Variants in KRI1 observed in about 807,000 individuals in gnomAD.
KRI1 encodes the protein KRI1 homolog.
Under a neutral mutation model 97.0 loss-of-function variants are expected in KRI1, and 83 were observed. The observed-to-expected ratio is 0.86, with a 90% CI of 0.72 to 1.03. The LOEUF (loss-of-function observed/expected upper bound fraction) is 1.03. Among genes scored for constraint, KRI1 ranks in the 50% least tolerant of loss-of-function variants. The pLI is 0.00. For synonymous variants in KRI1, 371 were observed against 363.5 expected, an observed-to-expected ratio of 1.02 and a Z score of -0.23; for missense variants, 916 against 928.4, an observed-to-expected ratio of 0.99 and a Z score of 0.17.
At position 10,557,770 on chromosome 19, in the gene KRI1, G is replaced by A. The variant is rs144686336; in HGVS notation, c.1485C>T (p.Pro495=). ...ACGGCCTGCCCACCTGGGCCTCACC[G>A]GGTTCAAACACGGGCTTCTCCTGCC... ...AVGQEKPVFE[P]GDKTFEEYLD... Residue 495 remains proline (P), a splice_region_variant and synonymous_variant, in exon 15 of 19, where the codon CCC becomes CCT. Coordinates refer to ENST00000312962, the MANE Select transcript of KRI1 (RefSeq NM_023008.5). The A allele has an allele frequency of 3.0e-5, 49 of 1,613,370 alleles. No individual in the cohort carries two copies. The East Asian group carries it at 5.6e-4, about 18-fold the overall frequency.
chr19:10,563,486 C>T (rs1322721195), intron 3 of KRI1, among the ~76,000 whole-genome samples: 1 of 151,702 alleles, frequency 6.6e-6, no homozygotes, highest in Non-Finnish European at 1.5e-5. Context: ...GCTGGGATTA[C>T]GGGTGTGCAC....
At chr19:10,562,636 G>T in intron 4 of KRI1, 93 bp downstream of exon 4, 1 of 750,198 alleles carries the variant, frequency 1.3e-6, no homozygotes, top group Non-Finnish European at 2.4e-6. Context: ...CCCGGCCCAG[G>T]CTGCCAGCTT....
chr19:10,559,109 A>G (rs975440585), intron 12 of KRI1, among the ~76,000 whole-genome samples: 2 of 151,418 alleles, frequency 1.3e-5, no homozygotes, highest in Non-Finnish European at 2.9e-5. Flanking sequence ...GGTTCAAGCA[A>G]TTCTCCTGCC....
At chr19:10,560,953 G>T in intron 8 of KRI1, 50 bp downstream of exon 8, 1 of 1,393,454 alleles carries the variant, frequency 7.2e-7, no homozygotes, top group Non-Finnish European at 1.0e-6. Flanking sequence ...AGGTTGGATG[G>T]ACGCGGAACA....
rs1189878039 is a variant in KRI1 at position 10,557,578 on chromosome 19, A to T, written c.1591T>A (p.Cys531Ser). 1.2e-6 allele frequency: 2 copies of T among 1,614,056 alleles called. No individual in the cohort carries two copies. The highest frequency in any genetic ancestry group is 3.3e-5 in the Admixed American group (2 of 60,020). The change falls in exon 16 of 19, where the codon TGT (cysteine) becomes AGT (serine). Residue 531 changes from cysteine to serine, a missense_variant. This residue lies in a region of KRI1 where 672 missense variants were observed against 667.2 expected (regional missense o/e 1.01). Transcript: ENST00000312962. ...TCCTCAGTGCTGAGGCCAAAGTCACAGGGCACCACTGTGCGGTACTTGAAG... is the reference window on the plus strand; with the variant it reads ...TCCTCAGTGCTGAGGCCAAAGTCACTGGGCACCACTGTGCGGTACTTGAAG... ...CRFKYRTVVPCDFGLSTEEIL... is the reference protein window; with the variant it reads ...CRFKYRTVVPSDFGLSTEEIL...
Position 10,561,830 on chromosome 19 carries a change from CTCA to C in KRI1, c.396_398del (p.Asp132del). ...TGGAAGTCTCCCCGTCTGAGTTCTC[CTCA>C]TCAACATATTTGCTGTAAAGGAAAA... On this transcript the variant is annotated inframe_deletion, in exon 5 of 19. Coordinates refer to ENST00000312962, the MANE Select transcript of KRI1 (RefSeq NM_023008.5). 6.2e-7 allele frequency: 1 copy of C among 1,613,958 alleles called. No homozygotes were observed. The highest frequency in any genetic ancestry group is 2.2e-5 in the East Asian group (1 of 44,876).
intron 16 of KRI1, among the ~76,000 whole-genome samples, chr19:10,555,571 A>G (rs1239517942): frequency 2.0e-5 from 3 of 152,214 alleles, no homozygotes; most frequent in Admixed American, 6.5e-5. Flanking sequence ...CCTAGGCCAG[A>G]TGGCTGGGAA....
At chr19:10,558,336 CT>C in intron 12 of KRI1, 97 bp from the exon 13 acceptor site, 1 of 1,148,106 alleles carries the variant, frequency 8.7e-7, no homozygotes, top group Non-Finnish European at 1.3e-6. Flanking sequence ...GGCAACTTTA[CT>C]CCTACAGCTA....
chr19:10,565,282 A>G (rs1916828317), intron 2 of KRI1: 1 of 565,754 alleles, frequency 1.8e-6, no homozygotes, highest in African/African-American at 1.9e-5. Flanking sequence ...TGGGGAAGAC[A>G]AAGACTTGAC....
intron 2 of KRI1, 148 bp from the exon 3 acceptor site, chr19:10,565,182 G>A (rs1325565359): frequency 9.0e-6 from 6 of 667,260 alleles, no homozygotes; most frequent in East Asian, 5.4e-5. Context: ...GCAGGAGGGA[G>A]AGGGGCCCTC....
chr19:10,560,047 C>G (rs1916645432), intron 9 of KRI1, 111 bp from the exon 10 acceptor site: 12 of 1,360,772 alleles, frequency 8.8e-6, no homozygotes, highest in Non-Finnish European at 1.2e-5. Flanking sequence ...TCACAAGAAC[C>G]CTACAAGGTG....
chr19:10,558,109 T>A, intron 13 of KRI1, 49 bp from the exon 14 acceptor site: 1 of 1,613,048 alleles, frequency 6.2e-7, no homozygotes, highest in South Asian at 1.1e-5. Context: ...GACCTTGGGC[T>A]TCAGTCCCAG....
chr19:10,562,651 C>T (rs1693700318), intron 4 of KRI1, 78 bp downstream of exon 4: 2 of 832,824 alleles, frequency 2.4e-6, no homozygotes, highest in Admixed American at 4.0e-5. Context: ...CAGCTTTTTT[C>T]CCTCTCCTGC....
At chr19:10,560,573 A>C (rs555954516) in intron 8 of KRI1, 125 bp from the exon 9 acceptor site, 1 of 690,480 alleles carries the variant, frequency 1.4e-6, no homozygotes, top group Admixed American at 2.7e-5. Flanking sequence ...TTGGTTTCTT[A>C]TTTTTATTTC....
In KRI1 at chr19:10,557,517, C is replaced by T. The variant is rs1341072724; in HGVS notation, c.1617+35G>A. 4 of 1,604,072 alleles carry T rather than the reference C, an allele frequency of 2.5e-6. No homozygotes were observed. The South Asian group carries it at 4.4e-5, about 18-fold the overall frequency. On this transcript the variant is annotated intron_variant, in intron 16 of 18. Coordinates refer to ENST00000312962, the MANE Select transcript of KRI1 (RefSeq NM_023008.5). Reference sequence around the variant, plus strand: ...TCTACCCCTTCGGCATACCTGGTGCCCCCTGCAGTGTCCCTGCCTGCCCGG... The same window carrying T: ...TCTACCCCTTCGGCATACCTGGTGCTCCCTGCAGTGTCCCTGCCTGCCCGG...
At position 10,553,219 on chromosome 19, in the gene KRI1, G is replaced by A; in HGVS notation, c.*732C>T. The A allele has an allele frequency of 2.0e-6, 2 of 1,017,878 alleles. No individual in the cohort carries two copies. The highest frequency in any genetic ancestry group is 2.8e-6 in the Non-Finnish European group (2 of 721,470). The allele number at this position is 1,017,878 out of a possible 1,614,324, so 63.1% of individuals were successfully genotyped here. On this transcript the variant is annotated 3_prime_UTR_variant, in exon 19 of 19. Transcript: ENST00000312962. ...AACCAGTCTGGGGCCATTCAGCCAG[G>A]GACAGAGCCCACAGAGCCCATACAC...
chr19:10,561,552 T>C, intron 6 of KRI1, 115 bp downstream of exon 6: 1 of 1,047,256 alleles, frequency 9.5e-7, no homozygotes, highest in South Asian at 1.3e-5. Context: ...CCCGTTTAAC[T>C]GATGAGGAAA....
chr19:10,560,948 G>T, intron 8 of KRI1, 55 bp downstream of exon 8: 1 of 1,333,368 alleles, frequency 7.5e-7, no homozygotes, highest in Non-Finnish European at 1.1e-6. Flanking sequence ...TAAATAGGTT[G>T]GATGGACGCG....
rs1555750218 is a variant in KRI1 at position 10,565,818 on chromosome 19, C to CCG, written c.95-29_95-28insCG. 163 of 1,549,966 alleles carry CCG rather than the reference C, an allele frequency of 1.1e-4. 3 individuals carry two copies. The South Asian group carries it at 1.2e-3, about 11-fold the overall frequency. On this transcript the variant is annotated intron_variant, in intron 1 of 18. Transcript: ENST00000312962. ...GCGGGACACAGACGGGATGCCCCCC[C>CCG]CCAGGTCAGCCGGCGGGGCCACTCG...
Sources: gnomAD v4.1 joint callset for allele counts (sites outside exome capture counted in the v4.1 genomes callset) on GRCh38, gnomAD v4.1.1 for gene constraint, gnomAD v4.1.1 regional missense constraint, MANE v1.5 for transcripts, NCBI Gene and HGNC (gene_info 2026-07-23, HGNC 2026-07-21) for gene names.